TAPT1: variants seen among roughly 807,000 people sequenced by gnomAD.
The protein encoded by TAPT1 is transmembrane anterior posterior transformation protein 1 homolog.
In TAPT1, 28 loss-of-function variants were observed where a neutral mutation model predicts 65.6. The observed-to-expected ratio is 0.43, with a 90% CI of 0.32 to 0.59. The LOEUF (loss-of-function observed/expected upper bound fraction) is 0.59. Among genes scored for constraint, TAPT1 ranks in the 20% least tolerant of loss-of-function variants. TAPT1 has a pLI of 0.09. For missense variants in TAPT1, 563 were observed against 679.9 expected, an observed-to-expected ratio of 0.83 and a Z score of 1.91; for synonymous variants, 278 against 245.2, an observed-to-expected ratio of 1.13 and a Z score of -1.25.
At chr4:16,213,287 G>A (rs1164059635) in intron 2 of TAPT1, among the ~76,000 whole-genome samples, 1 of 152,192 alleles carries the variant, frequency 6.6e-6, no homozygotes, top group African/African-American at 2.4e-5. Flanking sequence ...ACCCTGTAAT[G>A]TGATGCTTCC....
chr4:16,170,923 T>C (rs548270939), intron 11 of TAPT1, among the ~76,000 whole-genome samples, 194 bp from the exon 12 acceptor site: 2 of 152,336 alleles, frequency 1.3e-5, no homozygotes, highest in East Asian at 3.9e-4. Context: ...TGAAACCTTC[T>C]GTGGTACATT....
intron 3 of TAPT1, among the ~76,000 whole-genome samples, chr4:16,194,564 A>G (rs144343308): frequency 6.6e-6 from 1 of 152,334 alleles, no homozygotes; most frequent in African/African-American, 2.4e-5. Flanking sequence ...TGGATACTTT[A>G]TCACTGTACC....
In TAPT1 at chr4:16,176,293, A is replaced by G. The variant is rs574625096; in HGVS notation, c.998-65T>C. 5.5e-4 allele frequency: 421 copies of G among 772,378 alleles called. 1 individual carries two copies. In the African/African-American group the frequency reaches 6.8e-3, roughly 12 times the overall value. 47.8% of individuals were successfully genotyped at this position (772,378 alleles called of 1,614,324 possible). A position where few individuals can be genotyped will look rare whatever the true frequency, so the allele number is the denominator to read the frequency against. On this transcript the variant is annotated intron_variant, in intron 8 of 13. Coordinates refer to ENST00000405303, the MANE Select transcript of TAPT1 (RefSeq NM_153365.3). ...ATGAACAGAATCCATATCACAGGCT[A>G]CCAGAGAAATATGAAATCTCTAGAA...
At chr4:16,183,177 A>T (rs999909651) in intron 7 of TAPT1, 1 of 151,968 alleles carries the variant, frequency 6.6e-6, no homozygotes, top group African/African-American at 2.4e-5. Context: ...TGCCTAGAAT[A>T]TTTTTTTTCT....
At chr4:16,174,565 T>C (rs560901551) in intron 10 of TAPT1, 105 bp downstream of exon 10, 13 of 1,051,492 alleles carry the variant, frequency 1.2e-5, no homozygotes, top group African/African-American at 1.6e-5. Flanking sequence ...AGGCAGTTTA[T>C]GTAGCTTTCC....
intron 3 of TAPT1, among the ~76,000 whole-genome samples, chr4:16,197,018 T>G (rs1183471469): frequency 6.6e-6 from 1 of 152,148 alleles, no homozygotes; most frequent in African/African-American, 2.4e-5. Flanking sequence ...AAAAATCTAT[T>G]ATAACATATA....
intron 8 of TAPT1, among the ~76,000 whole-genome samples, chr4:16,177,179 T>C (rs1428105034): frequency 3.3e-5 from 5 of 152,202 alleles, no homozygotes; most frequent in South Asian, 2.1e-4. Context: ...TTTAAGGTAA[T>C]GGATATCCCA....
intron 6 of TAPT1, 48 bp from the exon 7 acceptor site, chr4:16,186,652 A>C (rs1315441525): frequency 1.4e-6 from 2 of 1,421,710 alleles, no homozygotes; most frequent in Admixed American, 4.1e-5. Context: ...AACAGTTTAA[A>C]AACTGGACTT....
At chr4:16,202,082 T>C (rs1028844476) in intron 3 of TAPT1, among the ~76,000 whole-genome samples, 1 of 152,102 alleles carries the variant, frequency 6.6e-6, no homozygotes, top group Non-Finnish European at 1.5e-5. Context: ...TAGAACCCTG[T>C]CCTTTCCACA....
rs1399885256 is a variant in TAPT1 at position 16,162,974 on chromosome 4, T to C, written c.*334A>G. ...TATACTGAAGAGGCCTTGAGGCAAA[T>C]TCAACATTCTGGAAGCCCAGACTGA... On this transcript the variant is annotated 3_prime_UTR_variant, in exon 14 of 14. Coordinates refer to ENST00000405303, the MANE Select transcript of TAPT1 (RefSeq NM_153365.3). 2.1e-6 allele frequency: 1 copy of C among 475,478 alleles called. No individual in the cohort carries two copies. The highest frequency in any genetic ancestry group is 1.5e-5 in the South Asian group (1 of 64,682). The allele number at this position is 475,478 out of a possible 1,614,324, so 29.5% of individuals were successfully genotyped here. A position where few individuals can be genotyped will look rare whatever the true frequency, so the allele number is the denominator to read the frequency against.
intron 3 of TAPT1, among the ~76,000 whole-genome samples, chr4:16,197,241 A>G (rs1005633305): frequency 2.6e-5 from 4 of 152,236 alleles, no homozygotes; most frequent in Admixed American, 1.3e-4. Context: ...TTATGCCTAA[A>G]GCCGGGCCAG....
Position 16,226,281 on chromosome 4 carries a change from C to A in TAPT1, c.177G>T (p.Arg59=). ...TLGFYESDRR[R]ERRRGRTELS... is the part of the protein sequence containing the mutation. ...CACCTGTGCGGCCCCGGCGCCTCTCCCGCCGCCGGTCGCTCTCGTAGAAGC... is the reference window on the plus strand; with the variant it reads ...CACCTGTGCGGCCCCGGCGCCTCTCACGCCGCCGGTCGCTCTCGTAGAAGC... Residue 59 remains arginine, a synonymous_variant, in exon 1 of 14, where the codon CGG becomes CGT. Coordinates refer to ENST00000405303, the MANE Select transcript of TAPT1 (RefSeq NM_153365.3). 8.9e-7 allele frequency: 1 copy of A among 1,127,232 alleles called. No individual in the cohort carries two copies. The allele number at this position is 1,127,232 out of a possible 1,614,324, so 69.8% of individuals were successfully genotyped here. A position where few individuals can be genotyped will look rare whatever the true frequency, so the allele number is the denominator to read the frequency against.
chr4:16,170,737 G>A lies in TAPT1; in HGVS notation c.1237-8C>T. 2 of 1,611,720 alleles carry A rather than the reference G, an allele frequency of 1.2e-6. No individual in the cohort carries two copies. Among genetic ancestry groups the A allele is most frequent in the Non-Finnish European group, 1.7e-6 (2 of 1,178,074 alleles). On this transcript the variant is annotated splice_region_variant and splice_polypyrimidine_tract_variant and intron_variant, in intron 11 of 13. Transcript: ENST00000405303. ...TGTTACAACTCTGATGAGCTAGCCA[G>A]AAACAAACCAAAACAACAAAAACAC... is the stretch of plus-strand genomic sequence containing the variant.
intron 4 of TAPT1, 24 bp downstream of exon 4, chr4:16,191,337 G>C: frequency 9.5e-6 from 15 of 1,585,032 alleles, no homozygotes; most frequent in Non-Finnish European, 1.3e-5. Flanking sequence ...GGCCAGGCCT[G>C]TGCGGGGTAA....
intron 13 of TAPT1, among the ~76,000 whole-genome samples, chr4:16,166,068 C>T (rs768114395): frequency 6.6e-6 from 1 of 152,216 alleles, no homozygotes; most frequent in Admixed American, 6.5e-5. Context: ...TGGGCCACTG[C>T]AGCCATCTGG....
intron 1 of TAPT1, among the ~76,000 whole-genome samples, chr4:16,219,894 T>A (rs1001710994): frequency 3.3e-5 from 5 of 152,308 alleles, no homozygotes; most frequent in Middle Eastern, 3.4e-3. Flanking sequence ...CTCCCCTACA[T>A]CAAAATGATC....
intron 2 of TAPT1, among the ~76,000 whole-genome samples, chr4:16,210,381 G>T (rs919175492): frequency 6.6e-6 from 1 of 152,202 alleles, no homozygotes; most frequent in Non-Finnish European, 1.5e-5. Context: ...ACCTCCTGCT[G>T]TGCACATCCC....
intron 3 of TAPT1, among the ~76,000 whole-genome samples, chr4:16,197,658 T>C (rs1749793970): frequency 6.6e-6 from 1 of 152,234 alleles, no homozygotes; most frequent in Admixed American, 6.5e-5. Flanking sequence ...AATTCTATCA[T>C]TCTTCCAAGG....
intron 3 of TAPT1, among the ~76,000 whole-genome samples, chr4:16,197,971 T>C (rs1393119772): frequency 2.0e-5 from 3 of 152,190 alleles, no homozygotes; most frequent in Non-Finnish European, 2.9e-5. Context: ...CATTAACTTT[T>C]AGGGAGGGAG....
Sources: allele counts gnomAD v4.1 joint callset (sites outside exome capture counted in the v4.1 genomes callset), GRCh38; gene constraint gnomAD v4.1.1; transcripts MANE v1.5; gene names NCBI Gene and HGNC (gene_info 2026-07-23, HGNC 2026-07-21).